The following MCF2L2 variants were observed in gnomAD, a reference collection of about 807,000 sequenced individuals.
MCF2L2 encodes the protein probable guanine nucleotide exchange factor MCF2L2.
In MCF2L2, 102 loss-of-function variants were observed where a neutral mutation model predicts 150.2. That is an observed-to-expected ratio of 0.68 (90% CI 0.58 to 0.80). MCF2L2 has a LOEUF of 0.80. MCF2L2 is among the 30% of genes least tolerant of loss of function. The pLI, the probability that MCF2L2 is intolerant of heterozygous loss-of-function variation, is 0.00. For missense variants in MCF2L2, 1,256 were observed against 1,372.8 expected (o/e 0.91, Z 1.34); for synonymous variants, 465 against 491.3 (o/e 0.95, Z 0.71).
At chr3:183,405,369 G>C (rs1714990648) in intron 1 of MCF2L2, among the ~76,000 whole-genome samples, 1 of 152,002 alleles carries the variant, frequency 6.6e-6, no homozygotes, top group East Asian at 1.9e-4. Flanking sequence ...AATAGTATAA[G>C]TCACTCTTTT....
chr3:183,207,581 T>C (rs1209017516), intron 23 of MCF2L2, 27 bp downstream of exon 23: 6 of 1,528,926 alleles, frequency 3.9e-6, no homozygotes, highest in African/African-American at 1.4e-5. Flanking sequence ...ATAGGGCGAC[T>C]CCCAGATGCA....
intron 1 of MCF2L2, among the ~76,000 whole-genome samples, chr3:183,410,573 C>T (rs923892670): frequency 2.0e-5 from 3 of 152,280 alleles, no homozygotes. Flanking sequence ...GTTCATTGAC[C>T]AGTGACATCT....
At chr3:183,310,592 G>T in intron 9 of MCF2L2, 1 of 317,770 alleles carries the variant, frequency 3.1e-6, no homozygotes, top group Non-Finnish European at 6.2e-6. Context: ...GAGCCCAGAA[G>T]ATCAAAGCTG....
At chr3:183,325,551 C>T (rs1438272875) in intron 5 of MCF2L2, among the ~76,000 whole-genome samples, 1 of 152,132 alleles carries the variant, frequency 6.6e-6, no homozygotes, top group Non-Finnish European at 1.5e-5. Context: ...TTTATTCTTT[C>T]TAAAATTAGA....
intron 2 of MCF2L2, 38 bp downstream of exon 2, chr3:183,389,658 C>T (rs936024613): frequency 6.5e-7 from 1 of 1,546,848 alleles, no homozygotes; most frequent in Non-Finnish European, 8.9e-7. Context: ...AAGACCCCCC[C>T]ATCAAAATCT....
In MCF2L2 at chr3:183,427,972, C is replaced by T; in HGVS notation, c.6G>A (p.Leu2=). The T allele has an allele frequency of 6.2e-7, 1 of 1,612,862 alleles. No individual in the cohort carries two copies. The highest frequency in any genetic ancestry group is 8.5e-7 in the Non-Finnish European group (1 of 1,178,816). The change falls in exon 1 of 30, where the codon CTG becomes CTA. Residue 2 remains leucine (L), a synonymous_variant. Coordinates refer to ENST00000328913, the MANE Select transcript of MCF2L2 (RefSeq NM_015078.4). ...GAGGCATCTCTTCTTTTAAGCAAGA[C>T]AGCATTTCACTGAAAAACCATTCCG... M[L]SCLKEEMPPQ...
At chr3:183,363,599 G>T (rs1181813788) in intron 3 of MCF2L2, among the ~76,000 whole-genome samples, 1 of 152,130 alleles carries the variant, frequency 6.6e-6, no homozygotes, top group Non-Finnish European at 1.5e-5. Flanking sequence ...AATTAGCCAG[G>T]CATAATGGTG....
In MCF2L2 at chr3:183,326,497, AAAAAAAAAAAAAAAAAAAAC is replaced by A. The variant is rs1212240814; in HGVS notation, c.487-3166_487-3147del. ...ATGAGAGTGAAACTCCGTCTCAAAA[AAAAAAAAAAAAAAAAAAAAC>A]AAAAAAAAACCCACAAACCTTTTTA... is the stretch of plus-strand genomic sequence containing the variant. On this transcript the variant is annotated intron_variant, in intron 5 of 29. Coordinates refer to ENST00000328913, the MANE Select transcript of MCF2L2 (RefSeq NM_015078.4). Among the ~76,000 whole-genome samples, 15 of 122,060 alleles carry A rather than the reference AAAAAAAAAAAAAAAAAAAAC, an allele frequency of 1.2e-4. No individual in the cohort carries two copies. The South Asian group carries it at 3.1e-3, about 25-fold the overall frequency. The allele number at this position is 122,060 out of a possible 152,430, so 80.1% of individuals were successfully genotyped here.
chr3:183,231,530 C>G (rs568304519), intron 15 of MCF2L2, among the ~76,000 whole-genome samples: 1 of 152,238 alleles, frequency 6.6e-6, no homozygotes, highest in East Asian at 1.9e-4. Context: ...TCATGGCTCA[C>G]TGTAGCCTTG....
At position 183,267,698 on chromosome 3, in the gene MCF2L2, T is replaced by A. The variant is rs1422872733; in HGVS notation, c.1862+9174A>T. 6.6e-6 allele frequency among the ~76,000 whole-genome samples: 1 copy of A among 152,138 alleles called. No individual in the cohort carries two copies. The highest frequency in any genetic ancestry group is 6.5e-5 in the Admixed American group (1 of 15,292). The stretch of plus-strand genomic sequence containing the variant: ...GCCTACCTTTCCATCCAAGGAAGTG[T>A]TTTACCTGTGGTAAGCACGGGGGAC... On this transcript the variant is annotated intron_variant, in intron 15 of 29. Transcript: ENST00000328913. The surrounding 1 kb of genome is among the most constrained non-coding windows in gnomAD (Gnocchi z 5.5).
chr3:183,343,852 C>T (rs548116823), intron 3 of MCF2L2, among the ~76,000 whole-genome samples: 1 of 151,950 alleles, frequency 6.6e-6, no homozygotes, highest in African/African-American at 2.4e-5. Context: ...GCATGAAGAA[C>T]GGAATGCAGT....
chr3:183,277,018 TC>T (rs1413248715), intron 14 of MCF2L2, 61 bp from the exon 15 acceptor site: 1 of 1,112,632 alleles, frequency 9.0e-7, no homozygotes, highest in African/African-American at 1.6e-5. Context: ...TCTATATTTT[TC>T]TCTCTCCCAA....
chr3:183,243,420 C>T (rs1724118717), intron 15 of MCF2L2, among the ~76,000 whole-genome samples: 1 of 152,176 alleles, frequency 6.6e-6, no homozygotes, highest in South Asian at 2.1e-4. Context: ...CCTTTCATTG[C>T]AGGTCAGCCG....
At chr3:183,408,720 G>GA (rs1392392007) in intron 1 of MCF2L2, among the ~76,000 whole-genome samples, 1 of 152,144 alleles carries the variant, frequency 6.6e-6, no homozygotes, top group African/African-American at 2.4e-5. Flanking sequence ...ACAATAGGTA[G>GA]AAAAAAACAG....
chr3:183,321,530 G>C (rs1729814736), intron 6 of MCF2L2, among the ~76,000 whole-genome samples: 1 of 152,024 alleles, frequency 6.6e-6, no homozygotes, highest in Admixed American at 6.6e-5. Context: ...AAATTTGTCA[G>C]AGAGGCACGA....
intron 3 of MCF2L2, chr3:183,375,174 CGCACATAG>C (rs1396679497): frequency 2.6e-5 from 4 of 152,158 alleles, no homozygotes; most frequent in Non-Finnish European, 4.4e-5. Flanking sequence ...TCTGCCCATC[CGCACATAG>C]GCACAGCTTA....
chr3:183,302,290 G>C (rs1266598124), intron 10 of MCF2L2, among the ~76,000 whole-genome samples: 1 of 152,144 alleles, frequency 6.6e-6, no homozygotes, highest in Non-Finnish European at 1.5e-5. Flanking sequence ...ACAGCTACAT[G>C]CAGAATCCTC....
At chr3:183,275,348 C>G (rs1226301481) in intron 15 of MCF2L2, among the ~76,000 whole-genome samples, 1 of 152,020 alleles carries the variant, frequency 6.6e-6, no homozygotes, top group African/African-American at 2.4e-5. Flanking sequence ...TCTATAAAAT[C>G]AAAAAGGAAT....
chr3:183,240,553 T>C (rs1265916888), intron 15 of MCF2L2, among the ~76,000 whole-genome samples: 1 of 152,230 alleles, frequency 6.6e-6, no homozygotes, highest in Non-Finnish European at 1.5e-5. Context: ...CTTCATTCTC[T>C]CTTCAAGAAC....
Sources: gnomAD v4.1 joint callset for allele counts (sites outside exome capture counted in the v4.1 genomes callset) on GRCh38, gnomAD v4.1.1 for gene constraint, Gnocchi (gnomAD v3.1) non-coding constraint, MANE v1.5 for transcripts, NCBI Gene and HGNC (gene_info 2026-07-23, HGNC 2026-07-21) for gene names.